NDUFAF6: variants seen among roughly 807,000 people sequenced by gnomAD.
NDUFAF6 encodes the protein NADH dehydrogenase (ubiquinone) complex I, assembly factor 6.
A neutral mutation model predicts 40.8 loss-of-function variants in NDUFAF6; 45 were observed. That is an observed-to-expected ratio of 1.10 (90% CI 0.87 to 1.42). NDUFAF6 has a LOEUF of 1.42. Ranked by LOEUF, NDUFAF6 falls within the 40% of genes most tolerant of loss-of-function variation. NDUFAF6 has a pLI of 0.00. For missense variants in NDUFAF6, 435 were observed against 418.5 expected, an observed-to-expected ratio of 1.04 and a Z score of -0.34; for synonymous variants, 185 against 155.9, an observed-to-expected ratio of 1.19 and a Z score of -1.39.
chr8:95,000,522 C>A (rs1406644754), intron 2 of NDUFAF6, among the ~76,000 whole-genome samples: 2 of 150,876 alleles, frequency 1.3e-5, no homozygotes, highest in Non-Finnish European at 2.9e-5. Flanking sequence ...ATATTCTAAT[C>A]TTTTTATTAG....
intron 2 of NDUFAF6, chr8:94,950,819 C>T (rs1017811912): frequency 6.6e-6 from 1 of 152,028 alleles, no homozygotes; most frequent in South Asian, 2.1e-4. Flanking sequence ...GGTATGATGA[C>T]AATTACAAGG....
chr8:94,904,320 C>CTCTTTTTTTTTTTTTT (rs1818238227), intron 1 of NDUFAF6, among the ~76,000 whole-genome samples: 1 of 34,134 alleles, frequency 2.9e-5, no homozygotes, highest in African/African-American at 1.5e-4. Flanking sequence ...ATTTTTTTTG[C>CTCTTTTTTTTTTTTTT]TTTTTTTTTT....
At chr8:94,901,591 T>C (rs1818020151) in intron 1 of NDUFAF6, among the ~76,000 whole-genome samples, 1 of 152,074 alleles carries the variant, frequency 6.6e-6, no homozygotes, top group African/African-American at 2.4e-5. Context: ...ATTTTATTAT[T>C]ATTATTTTGA....
chr8:95,112,174 C>A (rs1587287889), intron 4 of NDUFAF6, among the ~76,000 whole-genome samples: 1 of 152,170 alleles, frequency 6.6e-6, no homozygotes, highest in East Asian at 1.9e-4. Context: ...GTGCAAAGGC[C>A]TCTGCTTTTG....
At chr8:94,935,905 T>TA (rs1820931604) in intron 1 of NDUFAF6, among the ~76,000 whole-genome samples, 1 of 152,206 alleles carries the variant, frequency 6.6e-6, no homozygotes, top group African/African-American at 2.4e-5. Flanking sequence ...AAAAGGCATG[T>TA]AAATCTGCCC....
chr8:94,975,234 A>AGGT (rs1563762214), intron 1 of NDUFAF6: 1 of 152,344 alleles, frequency 6.6e-6, no homozygotes. Flanking sequence ...CACATTCAGC[A>AGGT]GGTGGCTTCC....
chr8:95,092,308 A>G (rs905278046), intron 2 of NDUFAF6, among the ~76,000 whole-genome samples: 2 of 151,504 alleles, frequency 1.3e-5, no homozygotes, highest in African/African-American at 4.9e-5. Flanking sequence ...CAGCCTCCCA[A>G]GTAGCTGGGA....
downstream of NDUFAF6, among the ~76,000 whole-genome samples, chr8:95,117,141 G>A (rs186340466): frequency 5.9e-5 from 9 of 152,282 alleles, no homozygotes; most frequent in East Asian, 9.6e-4. Context: ...CTGGAGTTGC[G>A]GGGGAATTAA....
chr8:95,002,007 C>T (rs1016608037), intron 2 of NDUFAF6, among the ~76,000 whole-genome samples: 3 of 152,174 alleles, frequency 2.0e-5, no homozygotes, highest in Non-Finnish European at 2.9e-5. Flanking sequence ...ATCAGATTAA[C>T]CTGCACTTAT....
intron 1 of NDUFAF6, chr8:94,926,194 C>A (rs7760): frequency 0.82 from 124,648 of 152,494 alleles, 51,928 homozygotes; most frequent in East Asian, 0.9. Context: ...AAATTTAGAC[C>A]GTGGCTCAAG....
At chr8:94,972,139 C>T (rs896833945) in intron 1 of NDUFAF6, among the ~76,000 whole-genome samples, 3 of 152,186 alleles carry the variant, frequency 2.0e-5, no homozygotes, top group African/African-American at 4.8e-5. Context: ...GAAAGCTCTC[C>T]TAGAAAGCTA....
chr8:94,910,280 G>A (rs534365548), intron 1 of NDUFAF6, among the ~76,000 whole-genome samples: 6 of 152,196 alleles, frequency 3.9e-5, no homozygotes, highest in African/African-American at 1.4e-4. Flanking sequence ...AGCCTCCCAA[G>A]TAGCTGGGAT....
chr8:94,919,338 C>T (rs779257398), intron 1 of NDUFAF6, among the ~76,000 whole-genome samples: 1 of 152,084 alleles, frequency 6.6e-6, no homozygotes, highest in Non-Finnish European at 1.5e-5. Context: ...TGAGCTCCTG[C>T]GCCTGTGATT....
chr8:94,947,475 AT>A (rs1340973970), intron 2 of NDUFAF6, among the ~76,000 whole-genome samples: 1 of 152,212 alleles, frequency 6.6e-6, no homozygotes, highest in Non-Finnish European at 1.5e-5. Flanking sequence ...GTAATTTAAA[AT>A]GGGTTTTGAA....
At chr8:94,899,394 T>G (rs76542413) in intron 1 of NDUFAF6, among the ~76,000 whole-genome samples, 1,933 of 152,306 alleles carry the variant, frequency 0.013, 20 homozygotes, top group Middle Eastern at 0.02. Flanking sequence ...GTGAACTTAG[T>G]CATTCCTTTT....
intron 4 of NDUFAF6, among the ~76,000 whole-genome samples, chr8:95,042,569 T>G (rs1425962023): frequency 6.6e-6 from 1 of 152,230 alleles, no homozygotes; most frequent in Non-Finnish European, 1.5e-5. Flanking sequence ...TGAACAAACA[T>G]TGATCTATAG....
intron 8 of NDUFAF6, among the ~76,000 whole-genome samples, chr8:95,056,629 G>A (rs192327092): frequency 5.9e-5 from 9 of 152,104 alleles, no homozygotes; most frequent in South Asian, 2.1e-4. Context: ...GATAATGGCC[G>A]GGTGCGGTGG....
At chr8:95,012,518 A>G (rs1827265833) in intron 2 of NDUFAF6, among the ~76,000 whole-genome samples, 1 of 152,188 alleles carries the variant, frequency 6.6e-6, no homozygotes, top group Non-Finnish European at 1.5e-5. Flanking sequence ...TCTCATTAAA[A>G]GTACCTTTAG....
chr8:95,106,326 C>T (rs1809843469), downstream of NDUFAF6, among the ~76,000 whole-genome samples: 1 of 150,496 alleles, frequency 6.6e-6, no homozygotes, highest in Non-Finnish European at 1.5e-5. Flanking sequence ...AGAAATAATA[C>T]CGCACATCTA....
Sources: gnomAD v4.1 joint callset for allele counts (sites outside exome capture counted in the v4.1 genomes callset) on GRCh38, gnomAD v4.1.1 for gene constraint, MANE v1.5 for transcripts, NCBI Gene and HGNC (gene_info 2026-07-23, HGNC 2026-07-21) for gene names.